CPEB3: variants seen among roughly 807,000 people sequenced by gnomAD.
The protein encoded by CPEB3 is cytoplasmic polyadenylation element binding protein 3, also known as cytoplasmic polyadenylation element-binding protein 3.
CPEB3 carries 20 observed loss-of-function variants against 67.2 expected under a neutral mutation model. That is an observed-to-expected ratio of 0.30 (90% confidence interval 0.21 to 0.43). CPEB3 has a LOEUF of 0.43. Ranked by LOEUF, CPEB3 falls within the 20% of genes least tolerant of loss-of-function variation. The pLI is 1.00. For synonymous variants in CPEB3, 376 were observed against 393.1 expected (o/e 0.96, Z 0.51); for missense variants, 746 against 968.6 (o/e 0.77, Z 3.05).
At chr10:92,081,291 T>C (rs763586311) in intron 9 of CPEB3, 29 bp downstream of exon 9, 6 of 1,613,036 alleles carry the variant, frequency 3.7e-6, no homozygotes, top group Admixed American at 1.7e-5. Flanking sequence ...TTCTCTCCCA[T>C]AGCAGTTTCA....
intron 1 of CPEB3, among the ~76,000 whole-genome samples, chr10:92,269,063 A>G (rs997505472): frequency 1.3e-5 from 2 of 152,188 alleles, no homozygotes; most frequent in African/African-American, 4.8e-5. Context: ...TCAAATGAGT[A>G]AGGAAGCTGG....
At chr10:92,253,337 G>A (rs1852377806) in intron 1 of CPEB3, among the ~76,000 whole-genome samples, 1 of 151,478 alleles carries the variant, frequency 6.6e-6, no homozygotes, top group Admixed American at 6.6e-5. Context: ...GCACACGCCT[G>A]TTGTCCCAGC....
At chr10:92,125,225 G>A (rs1845557781) in intron 6 of CPEB3, among the ~76,000 whole-genome samples, 1 of 152,206 alleles carries the variant, frequency 6.6e-6, no homozygotes, top group East Asian at 1.9e-4. Context: ...TACTATTTCT[G>A]TTCACCTGGA....
intron 9 of CPEB3, among the ~76,000 whole-genome samples, chr10:92,061,374 G>A (rs957004362): frequency 6.8e-6 from 1 of 146,314 alleles, no homozygotes; most frequent in African/African-American, 2.6e-5. Context: ...AGCCAAGATC[G>A]CGCCACTGCA....
intron 4 of CPEB3, among the ~76,000 whole-genome samples, chr10:92,146,865 T>C (rs1385717100): frequency 2.6e-5 from 4 of 152,142 alleles, no homozygotes; most frequent in Non-Finnish European, 5.9e-5. Context: ...GCAGCAACTA[T>C]AGGCAAAAAG....
intron 2 of CPEB3, among the ~76,000 whole-genome samples, chr10:92,210,685 T>G (rs941671049): frequency 7.9e-5 from 12 of 152,254 alleles, no homozygotes; most frequent in African/African-American, 2.9e-4. Flanking sequence ...ACTCTTCATT[T>G]GAATAATGTT....
chr10:92,073,059 T>C (rs1842810440), intron 9 of CPEB3, among the ~76,000 whole-genome samples: 1 of 145,310 alleles, frequency 6.9e-6, no homozygotes. Context: ...TTTTTTTTTT[T>C]TTTTTTGAGA....
intron 4 of CPEB3, among the ~76,000 whole-genome samples, chr10:92,168,908 G>C (rs1252133862): frequency 7.0e-6 from 1 of 142,918 alleles, no homozygotes; most frequent in Admixed American, 7.6e-5. Flanking sequence ...CGATTCTCTT[G>C]TCTCAGCCTC....
intron 1 of CPEB3, among the ~76,000 whole-genome samples, chr10:92,283,153 G>A (rs1013740974): frequency 1.3e-5 from 2 of 152,120 alleles, no homozygotes; most frequent in Non-Finnish European, 2.9e-5. Flanking sequence ...TCAGGAGGCT[G>A]AGGTGGGAGG....
rs141880908 is a variant in CPEB3, at chr10:92,084,328, C to G, written c.1688-2827G>C. 1.1e-3 allele frequency among the ~76,000 whole-genome samples: 171 copies of G among 152,184 alleles called. 1 individual carries two copies. Among genetic ancestry groups the G allele is most frequent in the African/African-American group, 3.9e-3 (162 of 41,526 alleles). On this transcript the variant is annotated intron_variant, in intron 8 of 9. Coordinates refer to ENST00000265997, the MANE Select transcript of CPEB3 (RefSeq NM_014912.5). ...AAGTACTTTTGATAGGAAACAGAAACCCTCATCTGCTTATGCTCTTATGAC... is the reference window on the plus strand; with the variant it reads ...AAGTACTTTTGATAGGAAACAGAAAGCCTCATCTGCTTATGCTCTTATGAC...
At chr10:92,142,922 G>C in intron 6 of CPEB3, 107 bp downstream of exon 6, 1 of 692,420 alleles carries the variant, frequency 1.4e-6, no homozygotes, top group Non-Finnish European at 2.5e-6. Context: ...TTCCTAATTG[G>C]GGGAAAAAAT....
chr10:92,079,300 C>T (rs745812153), intron 9 of CPEB3, among the ~76,000 whole-genome samples: 1 of 152,128 alleles, frequency 6.6e-6, no homozygotes, highest in Admixed American at 6.5e-5. Context: ...ATGACTAAAT[C>T]GAGCAATGGG....
chr10:92,102,837 C>G (rs1347163836), intron 7 of CPEB3, among the ~76,000 whole-genome samples: 2 of 152,194 alleles, frequency 1.3e-5, no homozygotes, highest in African/African-American at 2.4e-5. Flanking sequence ...ATACTTCTAT[C>G]CAGCTATTTT....
intron 2 of CPEB3, among the ~76,000 whole-genome samples, chr10:92,200,917 C>T (rs542975208): frequency 6.6e-6 from 1 of 152,120 alleles, no homozygotes; most frequent in Non-Finnish European, 1.5e-5. Flanking sequence ...CTCGGAATTA[C>T]CTGACATGAC....
intron 6 of CPEB3, among the ~76,000 whole-genome samples, chr10:92,127,112 G>A (rs560433753): frequency 2.0e-5 from 3 of 152,230 alleles, no homozygotes; most frequent in South Asian, 4.1e-4. Context: ...AATTTTTCAG[G>A]TCATAATAAG....
intron 2 of CPEB3, among the ~76,000 whole-genome samples, chr10:92,235,580 T>C (rs1851492559): frequency 6.6e-6 from 1 of 152,280 alleles, no homozygotes; most frequent in African/African-American, 2.4e-5. Flanking sequence ...ACGCACTTTA[T>C]ATTTAGTTTC....
intron 2 of CPEB3, among the ~76,000 whole-genome samples, chr10:92,229,327 C>T (rs1443355579): frequency 6.6e-6 from 1 of 152,188 alleles, no homozygotes; most frequent in Non-Finnish European, 1.5e-5. Context: ...AGCAGCCACA[C>T]CCAGCCTTCT....
intron 4 of CPEB3, among the ~76,000 whole-genome samples, chr10:92,152,244 C>A (rs1321382728): frequency 6.6e-6 from 1 of 152,110 alleles, no homozygotes; most frequent in Non-Finnish European, 1.5e-5. Flanking sequence ...AAATATAATT[C>A]TCATATCACA....
At chr10:92,132,041 A>T (rs1036503405) in intron 6 of CPEB3, among the ~76,000 whole-genome samples, 12 of 152,216 alleles carry the variant, frequency 7.9e-5, no homozygotes, top group African/African-American at 2.9e-4. Context: ...TTTAACATGC[A>T]AACAAAATTA....
Sources: allele counts gnomAD v4.1 joint callset (sites outside exome capture counted in the v4.1 genomes callset), GRCh38; gene constraint gnomAD v4.1.1; transcripts MANE v1.5; gene names NCBI Gene and HGNC (gene_info 2026-07-23, HGNC 2026-07-21).